The following RASSF3 variants were observed in gnomAD, a reference collection of about 807,000 sequenced individuals.
The protein encoded by RASSF3 is ras association domain-containing protein 3.
Under a neutral mutation model 19.9 loss-of-function variants are expected in RASSF3, and 19 were observed. The observed-to-expected ratio is 0.96, with a 90% CI of 0.67 to 1.40. The LOEUF is 1.40. RASSF3 is among the 40% of genes most tolerant of loss of function. RASSF3 has a pLI of 0.00. For synonymous variants in RASSF3, 110 were observed against 104.2 expected, an observed-to-expected ratio of 1.06 and a Z score of -0.34; for missense variants, 306 against 289.8, an observed-to-expected ratio of 1.06 and a Z score of -0.41.
intron 1 of RASSF3, among the ~76,000 whole-genome samples, chr12:64,518,951 T>C (rs1328091363): frequency 6.6e-6 from 1 of 152,152 alleles, no homozygotes; most frequent in East Asian, 1.9e-4. Flanking sequence ...ACCAAACATA[T>C]AATCAACAGG....
rs568218343 is a variant in RASSF3, at chr12:64,568,181, G to A, written c.294+26476G>A. On this transcript the variant is annotated intron_variant, in intron 2 of 5. Transcript: ENST00000637125. ...TGAGAAGCTGGGATTACAGGCGTGG[G>A]CCACCATACCCAGCTAATTTTTGTA... 2.6e-5 allele frequency among the ~76,000 whole-genome samples: 4 copies of A among 152,226 alleles called. No individual in the cohort carries two copies. The South Asian group carries it at 8.3e-4, about 32-fold the overall frequency.
intron 2 of RASSF3, among the ~76,000 whole-genome samples, chr12:64,566,439 G>A (rs146742483): frequency 1.4e-3 from 208 of 152,254 alleles, no homozygotes; most frequent in African/African-American, 4.8e-3. Context: ...AAAATTTAGT[G>A]TCCAGTCGGG....
Position 64,526,262 on chromosome 12 carries a change from T to C in RASSF3, c.170-15319T>C, listed in dbSNP as rs117272354. Among the ~76,000 whole-genome samples, 841 of 152,332 alleles carry C rather than the reference T, an allele frequency of 5.5e-3. 5 individuals are homozygous for C. Among genetic ancestry groups the C allele is most frequent in the Middle Eastern group, 0.014 (4 of 294 alleles). On this transcript the variant is annotated intron_variant, in intron 1 of 5. Coordinates refer to the RASSF3 transcript ENST00000637125. ...GAAATATGTACTTATTGCGGAATGG[T>C]TAAATCAACCTCATTAATATATGCA...
At position 64,694,930 on chromosome 12, in the gene RASSF3, G is replaced by A. The variant is rs372849551; in HGVS notation, c.*18G>A. 44 of 1,612,380 alleles carry A rather than the reference G, an allele frequency of 2.7e-5. No homozygotes were observed. Among genetic ancestry groups the A allele is most frequent in the Non-Finnish European group, 3.5e-5 (41 of 1,179,546 alleles). ...CTGATTAAAGCGGGGCTCCCTGCCC[G>A]TGAGGCCCGGTGCAGGACCGATGTA... On this transcript the variant is annotated 3_prime_UTR_variant, in exon 5 of 5. Coordinates refer to ENST00000542104, the MANE Select transcript of RASSF3 (RefSeq NM_178169.4).
upstream of RASSF3, chr12:64,610,484 C>T (rs556740631): frequency 4.7e-5 from 13 of 275,528 alleles, no homozygotes; most frequent in African/African-American, 2.7e-4. Context: ...CAGGAGGGGC[C>T]GGGAGAGCCT....
In RASSF3 at chr12:64,695,027, T is replaced by C. The variant is rs1868334898; in HGVS notation, c.*115T>C. ...CCCACTATGCTAGGGTCTTCGCCTT[T>C]CTATCTGTAGATTTTGTTCCCCAAA... On this transcript the variant is annotated 3_prime_UTR_variant, in exon 5 of 5. Coordinates refer to ENST00000542104, the MANE Select transcript of RASSF3 (RefSeq NM_178169.4). 5.2e-6 allele frequency: 6 copies of C among 1,146,984 alleles called. No homozygotes were observed. Among genetic ancestry groups the C allele is most frequent in the Non-Finnish European group, 7.3e-6 (6 of 823,782 alleles). 71.1% of individuals were successfully genotyped at this position (1,146,984 alleles called of 1,614,324 possible).
In RASSF3 at chr12:64,684,840, A is replaced by C. The variant is rs1379744529; in HGVS notation, c.165A>C (p.Lys55Asn). The stretch of plus-strand genomic sequence containing the variant: ...GTTACCTCAGCAAAGAGGAGATCAA[A>C]GAGAAAGTTCATAAATACAACTTAG... The part of the protein sequence containing the change: ...THSYLSKEEI[K>N]EKVHKYNLAV... The change falls in exon 2 of 5, where the codon AAA becomes AAC. Residue 55 changes from lysine (K) to asparagine (N), a missense_variant. Coordinates refer to ENST00000542104, the MANE Select transcript of RASSF3 (RefSeq NM_178169.4). 3.0e-5 allele frequency: 48 copies of C among 1,613,806 alleles called. No homozygotes were observed. Among genetic ancestry groups the C allele is most frequent in the Non-Finnish European group, 3.9e-5 (46 of 1,179,834 alleles).
chr12:64,580,704 C>T (rs1869680640), intron 2 of RASSF3, among the ~76,000 whole-genome samples: 1 of 151,896 alleles, frequency 6.6e-6, no homozygotes, highest in Non-Finnish European at 1.5e-5. Flanking sequence ...TGGGTAGAAT[C>T]CTTCCTTGAC....
chr12:64,645,753 G>T (rs1871708724), intron 1 of RASSF3, among the ~76,000 whole-genome samples: 1 of 151,880 alleles, frequency 6.6e-6, no homozygotes, highest in Non-Finnish European at 1.5e-5. Context: ...AAAAATTGGG[G>T]TATCACTTAT....
At chr12:64,636,120 GTT>G (rs111762481) in intron 1 of RASSF3, among the ~76,000 whole-genome samples, 4 of 147,178 alleles carry the variant, frequency 2.7e-5, no homozygotes, top group East Asian at 2.0e-4. Context: ...ATAACTTACG[GTT>G]TTTTTTTTTT....
chr12:64,618,641 T>C lies in RASSF3; in HGVS notation c.111+7898T>C, dbSNP rs1484525218. On this transcript the variant is annotated intron_variant, in intron 1 of 4. Coordinates refer to ENST00000542104, the MANE Select transcript of RASSF3 (RefSeq NM_178169.4). ...CACGCCCGGCCTTTTGTTTTTGTTTTTGTTTTTTTTAAATGGAGAGGGCCA... is the reference window on the plus strand; with the variant it reads ...CACGCCCGGCCTTTTGTTTTTGTTTCTGTTTTTTTTAAATGGAGAGGGCCA... 4.6e-5 allele frequency among the ~76,000 whole-genome samples: 7 copies of C among 150,924 alleles called. No individual in the cohort carries two copies. The East Asian group carries it at 6.1e-4, about 13-fold the overall frequency.
chr12:64,623,377 A>G (rs1870863033), intron 1 of RASSF3, among the ~76,000 whole-genome samples: 1 of 152,224 alleles, frequency 6.6e-6, no homozygotes, highest in African/African-American at 2.4e-5. Flanking sequence ...GAGATGAGAA[A>G]TTTAACTAGC....
intron 1 of RASSF3, among the ~76,000 whole-genome samples, chr12:64,508,904 A>G (rs1311846835): frequency 1.3e-5 from 2 of 151,556 alleles, no homozygotes; most frequent in African/African-American, 4.9e-5. Context: ...AAAAACAAAA[A>G]CAAAAACAAA....
downstream of RASSF3, among the ~76,000 whole-genome samples, chr12:64,544,232 C>G (rs532549934): frequency 1.5e-4 from 23 of 151,976 alleles, no homozygotes; most frequent in African/African-American, 5.5e-4. Flanking sequence ...ATCGAGACCA[C>G]GAACCCACCG....
chr12:64,613,907 C>G (rs376302818), intron 1 of RASSF3, among the ~76,000 whole-genome samples: 62 of 152,210 alleles, frequency 4.1e-4, no homozygotes, highest in African/African-American at 1.2e-3. Context: ...GTGATCGCAC[C>G]ACTGCACTCC....
intron 2 of RASSF3, among the ~76,000 whole-genome samples, chr12:64,599,530 C>T (rs546607333): frequency 6.6e-6 from 1 of 152,320 alleles, no homozygotes; most frequent in South Asian, 2.1e-4. Context: ...TCATTTGTGG[C>T]TGGAAACCCT....
chr12:64,613,256 T>C (rs1460587356), intron 1 of RASSF3, among the ~76,000 whole-genome samples: 4 of 152,202 alleles, frequency 2.6e-5, no homozygotes, highest in African/African-American at 9.6e-5. Context: ...AGATAAGCAC[T>C]TCTGACATAC....
intron 2 of RASSF3, among the ~76,000 whole-genome samples, chr12:64,597,829 T>C (rs1870020786): frequency 6.6e-6 from 1 of 152,222 alleles, no homozygotes; most frequent in Admixed American, 6.5e-5. Flanking sequence ...GTCTTCTCCC[T>C]GAACTTCCTA....
chr12:64,545,473 A>G (rs1869037542), downstream of RASSF3, among the ~76,000 whole-genome samples: 1 of 152,232 alleles, frequency 6.6e-6, no homozygotes, highest in Non-Finnish European at 1.5e-5. Flanking sequence ...TTTTAGTTCA[A>G]TTCTTATAAA....
Sources: allele counts gnomAD v4.1 joint callset (sites outside exome capture counted in the v4.1 genomes callset), GRCh38; gene constraint gnomAD v4.1.1; transcripts MANE v1.5; gene names NCBI Gene and HGNC (gene_info 2026-07-23, HGNC 2026-07-21).